The following GRM8 variants were observed in gnomAD, a reference collection of about 807,000 sequenced individuals.
The protein encoded by GRM8 is glutamate metabotropic receptor 8, also known as metabotropic glutamate receptor 8.
In GRM8, 47 loss-of-function variants were observed where a neutral mutation model predicts 87.2. The observed-to-expected ratio is 0.54, with a 90% CI of 0.43 to 0.69. The LOEUF (loss-of-function observed/expected upper bound fraction) is 0.69, where lower values mean the gene tolerates loss of function less well. Among genes scored for constraint, GRM8 ranks in the 30% least tolerant of loss-of-function variants. The pLI is 0.00. For synonymous variants in GRM8, 396 were observed against 404.5 expected, an observed-to-expected ratio of 0.98 and a Z score of 0.25; for missense variants, 1,019 against 1,139.2, an observed-to-expected ratio of 0.89 and a Z score of 1.52.
At chr7:127,073,403 G>A (rs745970590) in intron 3 of GRM8, among the ~76,000 whole-genome samples, 1 of 152,150 alleles carries the variant, frequency 6.6e-6, no homozygotes, top group Non-Finnish European at 1.5e-5. Flanking sequence ...TGCTTATAAT[G>A]GTTGCAGGTT....
At chr7:126,477,415 G>T (rs1209385437) in intron 9 of GRM8, among the ~76,000 whole-genome samples, 3 of 151,968 alleles carry the variant, frequency 2.0e-5, no homozygotes, top group Non-Finnish European at 4.4e-5. Context: ...ACTATGTGAG[G>T]TGATGAATAT....
At chr7:126,641,938 C>T (rs1457248384) in intron 7 of GRM8, among the ~76,000 whole-genome samples, 2 of 152,176 alleles carry the variant, frequency 1.3e-5, no homozygotes, top group Non-Finnish European at 2.9e-5. Flanking sequence ...CTTCCAGTTA[C>T]ACCTCATTGG....
chr7:126,689,219 C>G (rs73720740), intron 7 of GRM8, among the ~76,000 whole-genome samples: 2,700 of 152,234 alleles, frequency 0.018, 52 homozygotes, highest in African/African-American at 0.045. Context: ...CTCTTGCTGA[C>G]ACCAGCCTAT....
intron 7 of GRM8, among the ~76,000 whole-genome samples, chr7:126,651,659 C>T (rs905367037): frequency 6.6e-6 from 1 of 152,148 alleles, no homozygotes; most frequent in Admixed American, 6.5e-5. Context: ...AAGATTGCCA[C>T]CTGGACACTT....
chr7:126,954,988 T>C (rs964231609), intron 3 of GRM8, among the ~76,000 whole-genome samples: 2 of 152,156 alleles, frequency 1.3e-5, no homozygotes, highest in Non-Finnish European at 2.9e-5. Context: ...AAATAATAAT[T>C]ACTGTCAGGC....
intron 2 of GRM8, among the ~76,000 whole-genome samples, chr7:127,139,981 T>C (rs1438240263): frequency 6.6e-6 from 1 of 152,132 alleles, no homozygotes; most frequent in East Asian, 1.9e-4. Context: ...AGCCCCACTA[T>C]GCTTGCTGGC....
chr7:126,576,532 C>G (rs1191925826), intron 8 of GRM8, among the ~76,000 whole-genome samples: 1 of 152,194 alleles, frequency 6.6e-6, no homozygotes, highest in Non-Finnish European at 1.5e-5. Context: ...ATTCATCCAT[C>G]TCGGCCTCCC....
intron 6 of GRM8, among the ~76,000 whole-genome samples, chr7:126,791,308 T>C (rs901760110): frequency 1.3e-5 from 2 of 152,250 alleles, no homozygotes; most frequent in Non-Finnish European, 2.9e-5. Flanking sequence ...TTTGCCTTTA[T>C]TTTGTGACTT....
At chr7:126,920,657 CACAGA>C (rs1726995568) in intron 3 of GRM8, among the ~76,000 whole-genome samples, 2 of 152,100 alleles carry the variant, frequency 1.3e-5, no homozygotes, top group Admixed American at 6.6e-5. Context: ...AGTCCCTCTG[CACAGA>C]AGATCAGAGA....
chr7:126,843,709 C>T (rs1796469949), intron 6 of GRM8, among the ~76,000 whole-genome samples: 1 of 152,194 alleles, frequency 6.6e-6, no homozygotes, highest in Admixed American at 6.5e-5. Flanking sequence ...GACTTAGTAT[C>T]ACTAAAAAAG....
chr7:127,017,033 C>G (rs922293240), intron 3 of GRM8, among the ~76,000 whole-genome samples: 2 of 151,998 alleles, frequency 1.3e-5, no homozygotes, highest in Non-Finnish European at 2.9e-5. Flanking sequence ...TCCTAAGTTT[C>G]ATACCTATTA....
At chr7:127,059,822 G>A (rs1014270745) in intron 3 of GRM8, among the ~76,000 whole-genome samples, 2 of 152,130 alleles carry the variant, frequency 1.3e-5, no homozygotes, top group Non-Finnish European at 2.9e-5. Context: ...AATAAAAACT[G>A]AAAATCAAAG....
chr7:126,941,532 A>C (rs1806934272), intron 3 of GRM8, among the ~76,000 whole-genome samples: 1 of 151,502 alleles, frequency 6.6e-6, no homozygotes, highest in Non-Finnish European at 1.5e-5. Flanking sequence ...AGGCAGGAGA[A>C]TGGCGTGAAC....
chr7:126,896,612 A>T (rs767914126), intron 6 of GRM8, among the ~76,000 whole-genome samples: 17 of 152,156 alleles, frequency 1.1e-4, no homozygotes, highest in Non-Finnish European at 1.5e-4. Flanking sequence ...TACATAGTTA[A>T]TCTAGCACCA....
chr7:126,839,508 A>G (rs770580939), intron 6 of GRM8, among the ~76,000 whole-genome samples: 19 of 152,334 alleles, frequency 1.2e-4, no homozygotes, highest in South Asian at 8.3e-4. Context: ...ACATCTAAAG[A>G]ATGTAAAACA....
chr7:126,700,940 ATT>A (rs1809854026), intron 7 of GRM8, among the ~76,000 whole-genome samples: 2 of 151,956 alleles, frequency 1.3e-5, no homozygotes, highest in African/African-American at 4.8e-5. Context: ...TCTCTACTAT[ATT>A]TACCATATTG....
intron 3 of GRM8, among the ~76,000 whole-genome samples, chr7:126,984,913 C>T (rs572562753): frequency 7.9e-5 from 12 of 152,204 alleles, no homozygotes; most frequent in Non-Finnish European, 1.0e-4. Context: ...ACCTTTCAGG[C>T]GGATGCACCT....
At chr7:126,766,671 G>A (rs192036263) in intron 7 of GRM8, among the ~76,000 whole-genome samples, 22 of 152,152 alleles carry the variant, frequency 1.4e-4, no homozygotes, top group African/African-American at 3.6e-4. Flanking sequence ...TTTTGTTGTC[G>A]TGTATAGTAA....
At chr7:126,499,178 GGGAAGA>G (rs1809245868) in intron 9 of GRM8, among the ~76,000 whole-genome samples, 1 of 151,640 alleles carries the variant, frequency 6.6e-6, no homozygotes, top group Non-Finnish European at 1.5e-5. Flanking sequence ...GTGGTGCTGG[GGGAAGA>G]GTGTCTGCAA....
Sources: gnomAD v4.1 joint callset for allele counts (sites outside exome capture counted in the v4.1 genomes callset) on GRCh38, gnomAD v4.1.1 for gene constraint, MANE v1.5 for transcripts, NCBI Gene and HGNC (gene_info 2026-07-23, HGNC 2026-07-21) for gene names.